Variants in KLF12 observed in about 807,000 individuals in gnomAD.
KLF12 encodes the protein Krueppel-like factor 12.
In KLF12, 9 loss-of-function variants were observed where a neutral mutation model predicts 37.8. The ratio of observed to expected loss-of-function variants is 0.24; its 90% CI spans 0.14 to 0.42. The LOEUF (loss-of-function observed/expected upper bound fraction) is 0.42. Ranked by LOEUF, KLF12 falls within the 10% of genes least tolerant of loss-of-function variation. The pLI, the probability that KLF12 is intolerant of heterozygous loss-of-function variation, is 1.00. For synonymous variants in KLF12, 208 were observed against 202.1 expected, an observed-to-expected ratio of 1.03 and a Z score of -0.25; for missense variants, 411 against 516.0, an observed-to-expected ratio of 0.80 and a Z score of 1.97.
At chr13:74,243,579 A>G in the KLF12 span, among the ~76,000 whole-genome samples, 1 of 152,144 alleles carries the variant, frequency 6.6e-6, no homozygotes, top group Non-Finnish European at 1.5e-5. Flanking sequence ...CAACAGTGTA[A>G]AAGCATTGCT....
chr13:73,969,711 G>T (rs1316989104), intron 2 of KLF12, among the ~76,000 whole-genome samples: 1 of 152,108 alleles, frequency 6.6e-6, no homozygotes, highest in Non-Finnish European at 1.5e-5. Context: ...ATACTGCTTG[G>T]CACCATGCAC....
chr13:73,711,534 T>C (rs1875397276), intron 7 of KLF12, among the ~76,000 whole-genome samples: 1 of 152,198 alleles, frequency 6.6e-6, no homozygotes, highest in South Asian at 2.1e-4. Context: ...CTGCTTGTGC[T>C]GTATAAATGT....
At chr13:74,194,503 G>GA in the KLF12 span, among the ~76,000 whole-genome samples, 14 of 152,182 alleles carry the variant, frequency 9.2e-5, no homozygotes, top group Admixed American at 8.5e-4. Context: ...TCATAGGGCA[G>GA]GAGGGAGGAC....
the KLF12 span, among the ~76,000 whole-genome samples, chr13:74,186,947 C>T: frequency 6.6e-6 from 1 of 152,110 alleles, no homozygotes; most frequent in Admixed American, 6.5e-5. Flanking sequence ...TCTTAATTCC[C>T]GTTGTCTACT....
chr13:74,055,501 C>T (rs1873195576), intron 1 of KLF12, among the ~76,000 whole-genome samples: 3 of 152,280 alleles, frequency 2.0e-5, no homozygotes, highest in Non-Finnish European at 4.4e-5. Flanking sequence ...GGTCTGATCT[C>T]GTATCACACT....
the KLF12 span, among the ~76,000 whole-genome samples, chr13:74,249,379 C>CACACACAA: frequency 7.2e-6 from 1 of 138,568 alleles, no homozygotes. Flanking sequence ...CACACACACA[C>CACACACAA]GCACACCCTC....
chr13:73,868,396 GTTT>G (rs879320917), intron 3 of KLF12, among the ~76,000 whole-genome samples: 1 of 148,724 alleles, frequency 6.7e-6, no homozygotes, highest in Admixed American at 6.7e-5. Flanking sequence ...TTGTTCGTTT[GTTT>G]TTTGTTTTTG....
At chr13:74,057,251 G>C in intron 1 of KLF12, among the ~76,000 whole-genome samples, 1 of 152,122 alleles carries the variant, frequency 6.6e-6, no homozygotes, top group East Asian at 1.9e-4. Context: ...AGGGAAAAGG[G>C]CTGTGTTCCT....
At chr13:73,979,778 T>C (rs1481531889) in intron 2 of KLF12, among the ~76,000 whole-genome samples, 1 of 152,178 alleles carries the variant, frequency 6.6e-6, no homozygotes, top group Non-Finnish European at 1.5e-5. Flanking sequence ...GAAATTCATA[T>C]GTTGAAGTCC....
At chr13:73,859,886 TCAGCTCACCA>T (rs1885825002) in intron 3 of KLF12, among the ~76,000 whole-genome samples, 1 of 151,976 alleles carries the variant, frequency 6.6e-6, no homozygotes, top group Non-Finnish European at 1.5e-5. Context: ...AGCAGAAAAA[TCAGCTCACCA>T]CAAATGTAAT....
At chr13:74,032,452 C>G (rs1335890737) in intron 1 of KLF12, among the ~76,000 whole-genome samples, 1 of 152,116 alleles carries the variant, frequency 6.6e-6, no homozygotes, top group African/African-American at 2.4e-5. Context: ...CCTTACTGAA[C>G]TGTACATTTC....
At chr13:73,760,076 T>C (rs541000643) in intron 6 of KLF12, among the ~76,000 whole-genome samples, 1 of 152,250 alleles carries the variant, frequency 6.6e-6, no homozygotes, top group East Asian at 1.9e-4. Flanking sequence ...GAAAAGGCTC[T>C]TCCTGCCCTC....
intron 2 of KLF12, among the ~76,000 whole-genome samples, chr13:73,968,790 T>TA (rs751741244): frequency 7.2e-5 from 11 of 152,100 alleles, no homozygotes; most frequent in Non-Finnish European, 1.5e-4. Context: ...ATCAGGAACT[T>TA]AAAAAACCAC....
chr13:74,215,591 C>T, the KLF12 span, among the ~76,000 whole-genome samples: 2 of 152,182 alleles, frequency 1.3e-5, no homozygotes, highest in African/African-American at 4.8e-5. Context: ...TGATTGGAAC[C>T]TCTGTGTGTG....
At chr13:74,299,114 T>C in the KLF12 span, among the ~76,000 whole-genome samples, 1 of 152,214 alleles carries the variant, frequency 6.6e-6, no homozygotes, top group Non-Finnish European at 1.5e-5. Context: ...GGGAATTGGT[T>C]TATGCAAAGG....
the KLF12 span, among the ~76,000 whole-genome samples, chr13:74,190,146 T>A: frequency 2.6e-5 from 4 of 152,132 alleles, no homozygotes; most frequent in Non-Finnish European, 5.9e-5. Flanking sequence ...CATTAGTAAT[T>A]TCACAGATAT....
rs183648672 is a variant in KLF12 at position 73,712,196 on chromosome 13, G to C, written c.1027+3172C>G. Among the ~76,000 whole-genome samples, 357 of 152,162 alleles carry C rather than the reference G, an allele frequency of 2.3e-3. 2 individuals are homozygous for C. Among genetic ancestry groups the C allele is most frequent in the African/African-American group, 8.4e-3 (347 of 41,490 alleles). The stretch of plus-strand genomic sequence containing the variant: ...TCTACTAAAAATACAAAACTAGCCA[G>C]GCATGGTGGCACATGCCTGTAATCC... On this transcript the variant is annotated intron_variant, in intron 7 of 7. Transcript: ENST00000377669.
chr13:74,056,903 A>C (rs1048087368), intron 1 of KLF12, among the ~76,000 whole-genome samples: 1 of 152,188 alleles, frequency 6.6e-6, no homozygotes, highest in Non-Finnish European at 1.5e-5. Flanking sequence ...CTGGTAAAGG[A>C]GTGAAAAGAC....
At chr13:74,099,429 T>C (rs1397396674) in intron 1 of KLF12, among the ~76,000 whole-genome samples, 1 of 152,122 alleles carries the variant, frequency 6.6e-6, no homozygotes, top group Non-Finnish European at 1.5e-5. Context: ...AATATAAATC[T>C]CATTTTGCTC....
Sources: gnomAD v4.1 joint callset for allele counts (sites outside exome capture counted in the v4.1 genomes callset) on GRCh38, gnomAD v4.1.1 for gene constraint, MANE v1.5 for transcripts, NCBI Gene and HGNC (gene_info 2026-07-23, HGNC 2026-07-21) for gene names.